Variants in PCSK6 observed in about 807,000 individuals in gnomAD.
The protein encoded by PCSK6 is proprotein convertase subtilisin/kexin type 6.
Under a neutral mutation model 123.3 loss-of-function variants are expected in PCSK6, and 85 were observed. That is an observed-to-expected ratio of 0.69 (90% confidence interval 0.58 to 0.83). PCSK6 has a LOEUF of 0.83. PCSK6 is among the 40% of genes least tolerant of loss of function. PCSK6 has a pLI of 0.00. For synonymous variants in PCSK6, 508 were observed against 516.0 expected, an observed-to-expected ratio of 0.98 and a Z score of 0.21; for missense variants, 1,191 against 1,282.3, an observed-to-expected ratio of 0.93 and a Z score of 1.09.
At chr15:101,468,972 C>A (rs1401348488) in intron 1 of PCSK6, among the ~76,000 whole-genome samples, 1 of 152,166 alleles carries the variant, frequency 6.6e-6, no homozygotes, top group African/African-American at 2.4e-5. Flanking sequence ...TCAGAGGTCC[C>A]CAGCTGTTGA....
intron 1 of PCSK6, among the ~76,000 whole-genome samples, chr15:101,483,375 T>G (rs946004456): frequency 6.6e-6 from 1 of 152,254 alleles, no homozygotes; most frequent in African/African-American, 2.4e-5. Context: ...GGGCCAGGTA[T>G]GTCCTGCTCA....
rs779628751 is a variant in PCSK6, at chr15:101,322,588, T to G, written c.2397A>C (p.Lys799Asn). The G allele has an allele frequency of 2.5e-6, 4 of 1,612,440 alleles. No homozygotes were observed. In the Admixed American group the frequency reaches 6.7e-5, roughly 27 times the overall value. Residue 799 changes from lysine to asparagine, a missense_variant, in exon 18 of 22, where the codon AAA (lysine) becomes AAC (asparagine). This residue lies in a region of PCSK6 where 630 missense variants were observed against 631.4 expected (regional missense o/e 1.00). Transcript: ENST00000611716. ...CGCACTTTTTACAGCTTGGGTGGCA[T>G]TTAAGGCAATTTTTCTGACCTGGAG... ...YADESQKNCL[K>N]CHPSCKKCVD... is the part of the protein sequence containing the mutation.
At chr15:101,367,742 A>T (rs1011250726) in intron 12 of PCSK6, among the ~76,000 whole-genome samples, 3 of 152,270 alleles carry the variant, frequency 2.0e-5, no homozygotes, top group Non-Finnish European at 4.4e-5. Context: ...AATTCTTGAT[A>T]CAATCACAAA....
At chr15:101,395,737 G>A (rs1233392445) in intron 7 of PCSK6, among the ~76,000 whole-genome samples, 2 of 152,198 alleles carry the variant, frequency 1.3e-5, no homozygotes, top group African/African-American at 2.4e-5. Context: ...GTATTTCGAT[G>A]TCTTCCCTGG....
At chr15:101,317,546 A>G (rs1043626551) in intron 19 of PCSK6, among the ~76,000 whole-genome samples, 2 of 152,200 alleles carry the variant, frequency 1.3e-5, no homozygotes, top group Non-Finnish European at 2.9e-5. Context: ...AAGTGAAGAT[A>G]GGCACAAAGA....
rs2039701939 is a variant in PCSK6 at position 101,305,439 on chromosome 15, G to GC, written c.2813-85dup. On this transcript the variant is annotated intron_variant, in intron 21 of 21. Transcript: ENST00000611716. This position sits in a 1 kb window ranked among gnomAD's most constrained non-coding sequence, Gnocchi z 4.8. ...AGATTGTTTCAAGGCCGGGCGCGGT[G>GC]CCTCATGCCTGTAATCCCAGCACTT... 1 of 1,125,020 alleles carries GC rather than the reference G, an allele frequency of 8.9e-7. No individual in the cohort carries two copies. The highest frequency in any genetic ancestry group is 1.5e-5 in the African/African-American group (1 of 65,284). The allele number at this position is 1,125,020 out of a possible 1,614,324, so 69.7% of individuals were successfully genotyped here.
intron 1 of PCSK6, among the ~76,000 whole-genome samples, chr15:101,456,251 G>GACTGCACA (rs2057176345): frequency 2.8e-5 from 2 of 71,292 alleles, no homozygotes. Context: ...GCTGATTCAC[G>GACTGCACA]TAACAGCAGC....
rs189770381 is a variant in PCSK6 at position 101,317,653 on chromosome 15, G to A, written c.2569+666C>T. Among the ~76,000 whole-genome samples, 487 of 152,240 alleles carry A rather than the reference G, an allele frequency of 3.2e-3. 2 individuals are homozygous for A. Among genetic ancestry groups the A allele is most frequent in the Non-Finnish European group, 5.0e-3 (342 of 68,018 alleles). Reference sequence around the variant, plus strand: ...TGTTTATGGTGTTGTGTTTCTGTCCGCGCCGTTCCACAGCAAGAGCTGAGC... The same window carrying A: ...TGTTTATGGTGTTGTGTTTCTGTCCACGCCGTTCCACAGCAAGAGCTGAGC... On this transcript the variant is annotated intron_variant, in intron 19 of 21. Coordinates refer to ENST00000611716, the MANE Select transcript of PCSK6 (RefSeq NM_002570.5).
intron 19 of PCSK6, among the ~76,000 whole-genome samples, chr15:101,316,910 G>GTTTTGTTTT (rs2040002199): frequency 8.7e-6 from 1 of 114,972 alleles, no homozygotes. Context: ...ACTTAATTCT[G>GTTTTGTTTT]TTTTTTTTTT....
At chr15:101,448,481 G>T (rs190679452) in intron 1 of PCSK6, among the ~76,000 whole-genome samples, 1 of 152,342 alleles carries the variant, frequency 6.6e-6, no homozygotes, top group Admixed American at 6.5e-5. Context: ...TCCTTCACCT[G>T]TCCCCCAGCC....
chr15:101,310,121 A>G (rs2039822149), intron 20 of PCSK6, among the ~76,000 whole-genome samples: 1 of 151,944 alleles, frequency 6.6e-6, no homozygotes, highest in African/African-American at 2.4e-5. Flanking sequence ...CCAAGTGGGG[A>G]GAGACCCCGC....
At chr15:101,360,138 A>G (rs570161151) in intron 13 of PCSK6, among the ~76,000 whole-genome samples, 1 of 152,118 alleles carries the variant, frequency 6.6e-6, no homozygotes, top group Admixed American at 6.5e-5. Flanking sequence ...CTGCTTTCAG[A>G]ATCTGACTGC....
intron 1 of PCSK6, among the ~76,000 whole-genome samples, chr15:101,479,581 G>A (rs2057819357): frequency 6.6e-6 from 1 of 152,218 alleles, no homozygotes; most frequent in South Asian, 2.1e-4. Flanking sequence ...GCTGTGGTCG[G>A]TGCATGCAGA....
rs76804812 is a variant in PCSK6, at chr15:101,309,543, C to T, written c.2700-2218G>A. Among the ~76,000 whole-genome samples the T allele has an allele frequency of 2.3e-4, 35 of 152,378 alleles. No individual in the cohort carries two copies. The East Asian group carries it at 6.6e-3, about 29-fold the overall frequency. On this transcript the variant is annotated intron_variant, in intron 20 of 21. Transcript: ENST00000611716. ...GGATGCAGCCCTCTGTCCCTGCTCC[C>T]TTGCAGAGGCCACTCCCATCAGCCT...
intron 13 of PCSK6, among the ~76,000 whole-genome samples, chr15:101,340,528 A>C (rs919749528): frequency 6.6e-6 from 1 of 152,248 alleles, no homozygotes; most frequent in African/African-American, 2.4e-5. Flanking sequence ...AAGGTTTATA[A>C]CAAAGAAAGC....
intron 18 of PCSK6, among the ~76,000 whole-genome samples, chr15:101,321,733 C>G (rs1342807287): frequency 6.6e-6 from 1 of 152,270 alleles, no homozygotes; most frequent in African/African-American, 2.4e-5. Context: ...ATCCTCACCA[C>G]TGCCAGCCTG....
chr15:101,347,065 G>A, intron 13 of PCSK6: 1 of 1,231,738 alleles, frequency 8.1e-7, no homozygotes, highest in Non-Finnish European at 1.0e-6. Context: ...TGACTGTTTG[G>A]AGAGTGTGCC....
At position 101,353,020 on chromosome 15, in the gene PCSK6, G is replaced by T. The variant is rs185901796; in HGVS notation, c.1858+13176C>A. Among the ~76,000 whole-genome samples the T allele has an allele frequency of 2.7e-4, 41 of 152,322 alleles. No individual in the cohort carries two copies. The East Asian group carries it at 6.7e-3, about 25-fold the overall frequency. On this transcript the variant is annotated intron_variant, in intron 13 of 21. Transcript: ENST00000611716. ...ACAATTCTTCCACAGCTGGGGATCC[G>T]GTGGGGAGCAGTGGGGATGGTTTCG...
At chr15:101,391,104 G>T (rs980941468) in intron 8 of PCSK6, among the ~76,000 whole-genome samples, 1 of 152,162 alleles carries the variant, frequency 6.6e-6, no homozygotes, top group Non-Finnish European at 1.5e-5. Flanking sequence ...GGCCAACAGA[G>T]ACCAGTTTCC....
Sources: gnomAD v4.1 joint callset for allele counts (sites outside exome capture counted in the v4.1 genomes callset) on GRCh38, gnomAD v4.1.1 for gene constraint, gnomAD v4.1.1 regional missense constraint, Gnocchi (gnomAD v3.1) non-coding constraint, MANE v1.5 for transcripts, NCBI Gene and HGNC (gene_info 2026-07-23, HGNC 2026-07-21) for gene names.